Variants in OSBPL11 observed in about 807,000 individuals in gnomAD.
The protein encoded by OSBPL11 is oxysterol binding protein like 11, also known as oxysterol-binding protein-related protein 11.
In OSBPL11, 33 loss-of-function variants were observed where a neutral mutation model predicts 84.4. The ratio of observed to expected loss-of-function variants is 0.39; its 90% confidence interval spans 0.30 to 0.52. The LOEUF is 0.52. Among genes scored for constraint, OSBPL11 ranks in the 20% least tolerant of loss-of-function variants. The probability of loss-of-function intolerance (pLI) is 0.72; values close to 1 mark genes in which losing one functional copy is unlikely to be tolerated. For missense variants in OSBPL11, 736 were observed against 901.1 expected (o/e 0.82, Z 2.35); for synonymous variants, 276 against 310.2 (o/e 0.89, Z 1.16).
intron 11 of OSBPL11, among the ~76,000 whole-genome samples, chr3:125,535,283 T>C: frequency 6.6e-6 from 1 of 151,976 alleles, no homozygotes; most frequent in East Asian, 1.9e-4. Context: ...CAAAGCTCAC[T>C]GAAGAAACAG....
At chr3:125,575,838 A>G (rs890184937) in intron 5 of OSBPL11, among the ~76,000 whole-genome samples, 3 of 151,790 alleles carry the variant, frequency 2.0e-5, no homozygotes, top group East Asian at 1.9e-4. Flanking sequence ...TGCCTGGCCT[A>G]TATCAGTTTG....
intron 5 of OSBPL11, among the ~76,000 whole-genome samples, chr3:125,573,069 A>C (rs183942617): frequency 3.3e-5 from 5 of 151,078 alleles, no homozygotes; most frequent in African/African-American, 1.2e-4. Flanking sequence ...AAAGTATATA[A>C]TTATAGCATA....
At chr3:125,582,381 C>G (rs1346716392) in intron 2 of OSBPL11, among the ~76,000 whole-genome samples, 1 of 151,908 alleles carries the variant, frequency 6.6e-6, no homozygotes, top group African/African-American at 2.4e-5. Flanking sequence ...GTCTGGCATT[C>G]TACGTTAGCC....
intron 7 of OSBPL11, among the ~76,000 whole-genome samples, chr3:125,561,822 G>C (rs1356707757): frequency 6.6e-6 from 1 of 152,162 alleles, no homozygotes; most frequent in Non-Finnish European, 1.5e-5. Flanking sequence ...TTTCCCATAA[G>C]CCAGGTGTTC....
chr3:125,543,634 CAA>C (rs1442370060), intron 10 of OSBPL11, among the ~76,000 whole-genome samples: 1 of 152,114 alleles, frequency 6.6e-6, no homozygotes, highest in African/African-American at 2.4e-5. Context: ...CACAGTGGCT[CAA>C]ACACCTGTAA....
chr3:125,594,026 T>C (rs1028396423), intron 1 of OSBPL11, among the ~76,000 whole-genome samples: 6 of 152,220 alleles, frequency 3.9e-5, no homozygotes, highest in South Asian at 2.1e-4. Context: ...TTAACAAATA[T>C]AGACTTTCTC....
intron 1 of OSBPL11, among the ~76,000 whole-genome samples, chr3:125,587,227 G>GA (rs1415540989): frequency 1.3e-5 from 2 of 152,196 alleles, no homozygotes; most frequent in African/African-American, 4.8e-5. Context: ...CAGAAAGAAT[G>GA]AAAGTGAGAG....
intron 10 of OSBPL11, among the ~76,000 whole-genome samples, chr3:125,542,054 A>G (rs530258820): frequency 1.3e-5 from 2 of 152,346 alleles, no homozygotes; most frequent in African/African-American, 4.8e-5. Context: ...AAAGTTAGGT[A>G]CTTCAGAGAA....
At chr3:125,531,753 A>G in intron 12 of OSBPL11, 108 bp downstream of exon 12, 1 of 1,115,296 alleles carries the variant, frequency 9.0e-7, no homozygotes, top group Non-Finnish European at 1.3e-6. Context: ...CAGCCATACT[A>G]CTTTTAAAAA....
intron 11 of OSBPL11, among the ~76,000 whole-genome samples, chr3:125,533,579 T>C: frequency 6.6e-6 from 1 of 152,100 alleles, no homozygotes; most frequent in South Asian, 2.1e-4. Flanking sequence ...AACACATTTC[T>C]GAAAATCAAG....
intron 11 of OSBPL11, 104 bp downstream of exon 11, chr3:125,538,347 G>A: frequency 9.8e-7 from 1 of 1,016,980 alleles, no homozygotes; most frequent in Non-Finnish European, 1.5e-6. Context: ...CAAAGCTGAT[G>A]CAACCTGTGA....
At chr3:125,576,048 G>T in intron 5 of OSBPL11, 141 bp downstream of exon 5, 2 of 684,382 alleles carry the variant, frequency 2.9e-6, no homozygotes, top group Non-Finnish European at 4.7e-6. Flanking sequence ...GAATGTTTAC[G>T]ACTTAAAAAT....
intron 8 of OSBPL11, among the ~76,000 whole-genome samples, chr3:125,554,891 G>GAAAA (rs1935966810): frequency 2.6e-5 from 4 of 152,146 alleles, no homozygotes; most frequent in Non-Finnish European, 5.9e-5. Flanking sequence ...GGATTTCAGA[G>GAAAA]AAAACAAACA....
intron 4 of OSBPL11, among the ~76,000 whole-genome samples, chr3:125,577,661 C>G (rs1054866206): frequency 1.3e-5 from 2 of 151,790 alleles, no homozygotes; most frequent in African/African-American, 2.4e-5. Flanking sequence ...AACCCCGTCT[C>G]TACCAAAAAT....
At chr3:125,563,969 C>A in intron 6 of OSBPL11, 126 bp from the exon 7 acceptor site, 1 of 994,650 alleles carries the variant, frequency 1.0e-6, no homozygotes, top group Non-Finnish European at 1.5e-6. Context: ...TTAAGAGACC[C>A]TGCAAGACAG....
rs1436660931 is a variant in OSBPL11, at chr3:125,567,337, A to T, written c.868+57T>A. ...CTGAAATTAGAATTACAACAAATAC[A>T]GTCCTTTCCATGTGTTGGCCTTCAT... is the stretch of plus-strand genomic sequence containing the variant. On this transcript the variant is annotated intron_variant, in intron 6 of 12. Transcript: ENST00000296220. The T allele has an allele frequency of 2.2e-5, 31 of 1,391,664 alleles. No individual in the cohort carries two copies. The Admixed American group carries it at 5.6e-4, about 25-fold the overall frequency. 86.2% of individuals were successfully genotyped at this position (1,391,664 alleles called of 1,614,324 possible). A position where few individuals can be genotyped will look rare whatever the true frequency, so the allele number is the denominator to read the frequency against.
At chr3:125,543,429 G>C (rs1380165339) in intron 10 of OSBPL11, among the ~76,000 whole-genome samples, 1 of 151,858 alleles carries the variant, frequency 6.6e-6, no homozygotes, top group Admixed American at 6.6e-5. Context: ...ACCGCGCCCA[G>C]CCTAGTAAGA....
rs182912273 is a variant in OSBPL11, at chr3:125,529,126, C to T, written c.*1389G>A. On this transcript the variant is annotated 3_prime_UTR_variant, in exon 13 of 13. Transcript: ENST00000296220. Reference sequence around the variant, plus strand: ...CTTATGATGATGCAACAGACACAGCCACCTACAATGGCTGATAAACAACAG... The same window carrying T: ...CTTATGATGATGCAACAGACACAGCTACCTACAATGGCTGATAAACAACAG... The T allele has an allele frequency of 1.3e-5, 2 of 152,702 alleles. No individual in the cohort carries two copies. The highest frequency in any genetic ancestry group is 4.8e-5 in the African/African-American group (2 of 41,560). The allele number at this position is 152,702 out of a possible 1,614,324, so 9.5% of individuals were successfully genotyped here.
At chr3:125,578,472 G>A (rs970604297) in intron 4 of OSBPL11, among the ~76,000 whole-genome samples, 13 of 152,212 alleles carry the variant, frequency 8.5e-5, no homozygotes, top group Middle Eastern at 3.4e-3. Context: ...GGCCAGGTGC[G>A]GTGGCTCACA....
Sources: gnomAD v4.1 joint callset for allele counts (sites outside exome capture counted in the v4.1 genomes callset) on GRCh38, gnomAD v4.1.1 for gene constraint, MANE v1.5 for transcripts, NCBI Gene and HGNC (gene_info 2026-07-23, HGNC 2026-07-21) for gene names.